GPC5: variants seen among roughly 807,000 people sequenced by gnomAD.
GPC5 encodes glypican-5.
A neutral mutation model predicts 53.9 loss-of-function variants in GPC5; 47 were observed. The ratio of observed to expected loss-of-function variants is 0.87; its 90% CI spans 0.69 to 1.11. The LOEUF (loss-of-function observed/expected upper bound fraction) is 1.11. Among genes scored for constraint, GPC5 ranks in the 50% most tolerant of loss-of-function variants. The pLI is 0.00. For synonymous variants in GPC5, 286 were observed against 263.3 expected (o/e 1.09, Z -0.84); for missense variants, 748 against 713.1 (o/e 1.05, Z -0.56).
At chr13:91,488,757 G>A (rs972187932) in intron 2 of GPC5, among the ~76,000 whole-genome samples, 9 of 152,216 alleles carry the variant, frequency 5.9e-5, no homozygotes, top group African/African-American at 1.7e-4. Context: ...TGAACAATAT[G>A]TTCAGGGAAC....
intron 5 of GPC5, among the ~76,000 whole-genome samples, chr13:91,827,391 C>T (rs1460351763): frequency 6.6e-6 from 1 of 151,588 alleles, no homozygotes; most frequent in African/African-American, 2.4e-5. Flanking sequence ...CACACAGGCA[C>T]GAATTGGAAT....
At chr13:92,787,403 C>A (rs1321436040) in intron 7 of GPC5, among the ~76,000 whole-genome samples, 1 of 150,962 alleles carries the variant, frequency 6.6e-6, no homozygotes, top group African/African-American at 2.4e-5. Flanking sequence ...CCTCAGAAAA[C>A]CAGGACATTT....
At chr13:91,716,048 G>A (rs2036331420) in intron 3 of GPC5, among the ~76,000 whole-genome samples, 1 of 151,122 alleles carries the variant, frequency 6.6e-6, no homozygotes, top group Non-Finnish European at 1.5e-5. Context: ...AAAAGTGTTG[G>A]GATTACAGGC....
chr13:91,819,413 C>T (rs925567657), intron 5 of GPC5, among the ~76,000 whole-genome samples: 2 of 152,010 alleles, frequency 1.3e-5, no homozygotes, highest in African/African-American at 2.4e-5. Flanking sequence ...TCTGCCTCAG[C>T]CTCCCAAAGT....
At chr13:91,965,755 A>G (rs898853324) in intron 6 of GPC5, among the ~76,000 whole-genome samples, 1 of 152,174 alleles carries the variant, frequency 6.6e-6, no homozygotes, top group Non-Finnish European at 1.5e-5. Context: ...ATGGAGTTCC[A>G]TTCAGTACAT....
At chr13:91,765,698 C>T (rs900028519) in intron 5 of GPC5, among the ~76,000 whole-genome samples, 1 of 152,304 alleles carries the variant, frequency 6.6e-6, no homozygotes, top group South Asian at 2.1e-4. Context: ...TACAATCCCA[C>T]AGACTTTCAA....
At chr13:91,605,181 GT>G (rs2033320648) in intron 2 of GPC5, among the ~76,000 whole-genome samples, 1 of 88,430 alleles carries the variant, frequency 1.1e-5, no homozygotes. Context: ...TGGCTAGCCA[GT>G]TTTCCCAGCA....
chr13:92,697,970 C>A (rs985657830), intron 7 of GPC5, among the ~76,000 whole-genome samples: 3 of 151,866 alleles, frequency 2.0e-5, no homozygotes, highest in African/African-American at 7.3e-5. Context: ...GTTTTTGTCA[C>A]TGGTTCTGTT....
At chr13:91,464,969 T>A (rs852918) in intron 2 of GPC5, among the ~76,000 whole-genome samples, 1 of 152,020 alleles carries the variant, frequency 6.6e-6, no homozygotes, top group Non-Finnish European at 1.5e-5. Context: ...TCTGTACATT[T>A]TTTTTTCTTT....
At chr13:92,710,837 C>T (rs778357095) in intron 7 of GPC5, among the ~76,000 whole-genome samples, 4 of 152,230 alleles carry the variant, frequency 2.6e-5, no homozygotes, top group Non-Finnish European at 5.9e-5. Flanking sequence ...TCTTTAAACA[C>T]CTAATGATAT....
intron 2 of GPC5, among the ~76,000 whole-genome samples, chr13:91,595,930 A>G (rs72641464): frequency 0.062 from 9,363 of 152,224 alleles, 360 homozygotes; most frequent in Non-Finnish European, 0.087. Context: ...CTATTCTATC[A>G]ATGAGTGAAA....
At chr13:91,916,793 T>C (rs1303843229) in intron 6 of GPC5, among the ~76,000 whole-genome samples, 2 of 152,114 alleles carry the variant, frequency 1.3e-5, no homozygotes, top group Non-Finnish European at 2.9e-5. Flanking sequence ...CAGACACTTA[T>C]AAAACCATCA....
intron 7 of GPC5, among the ~76,000 whole-genome samples, chr13:92,706,885 G>A (rs1284386295): frequency 6.6e-6 from 1 of 152,186 alleles, no homozygotes; most frequent in Non-Finnish European, 1.5e-5. Context: ...TAGAGGTGGA[G>A]CCCTTCACAG....
intron 7 of GPC5, among the ~76,000 whole-genome samples, chr13:92,409,606 T>C (rs1451305184): frequency 6.6e-6 from 1 of 152,090 alleles, no homozygotes; most frequent in Non-Finnish European, 1.5e-5. Context: ...AAAGCACTTC[T>C]GAAGGAAAAT....
chr13:91,798,641 A>G (rs1228031365), intron 5 of GPC5, among the ~76,000 whole-genome samples: 1 of 152,172 alleles, frequency 6.6e-6, no homozygotes, highest in African/African-American at 2.4e-5. Context: ...GAATAGTGCT[A>G]CAATGAATAT....
At chr13:92,203,484 T>C (rs1157255766) in intron 7 of GPC5, among the ~76,000 whole-genome samples, 1 of 83,256 alleles carries the variant, frequency 1.2e-5, no homozygotes, top group Non-Finnish European at 2.3e-5. Flanking sequence ...CTGGGGACTG[T>C]GGTGGGGTCG....
intron 2 of GPC5, among the ~76,000 whole-genome samples, chr13:91,526,229 C>T (rs566915403): frequency 8.4e-4 from 128 of 152,300 alleles, no homozygotes; most frequent in African/African-American, 3.0e-3. Flanking sequence ...TCTTTTACAA[C>T]TGTTTCACAA....
chr13:91,400,459 T>C (rs1594036948), intron 1 of GPC5, among the ~76,000 whole-genome samples: 1 of 152,186 alleles, frequency 6.6e-6, no homozygotes, highest in African/African-American at 2.4e-5. Context: ...AAAGTTGACA[T>C]TCTCAGTTTA....
intron 6 of GPC5, among the ~76,000 whole-genome samples, chr13:92,033,412 T>C (rs1435267268): frequency 6.6e-6 from 1 of 152,168 alleles, no homozygotes; most frequent in Non-Finnish European, 1.5e-5. Flanking sequence ...CAAAGTACTC[T>C]CATTAGACCT....
Sources: gnomAD v4.1 joint callset for allele counts (sites outside exome capture counted in the v4.1 genomes callset) on GRCh38, gnomAD v4.1.1 for gene constraint, MANE v1.5 for transcripts, NCBI Gene and HGNC (gene_info 2026-07-23, HGNC 2026-07-21) for gene names.